SEM1: variants seen among roughly 807,000 people sequenced by gnomAD.
SEM1 encodes SEM1 26S proteasome subunit, also known as 26S proteasome complex subunit SEM1.
A neutral mutation model predicts 12.7 loss-of-function variants in SEM1; 3 were observed. The ratio of observed to expected loss-of-function variants is 0.24; its 90% CI spans 0.11 to 0.61. The LOEUF (loss-of-function observed/expected upper bound fraction) is 0.61, where lower values mean the gene tolerates loss of function less well. SEM1 is among the 20% of genes least tolerant of loss of function. The pLI is 0.88. For synonymous variants in SEM1, 30 were observed against 27.8 expected, an observed-to-expected ratio of 1.08 and a Z score of -0.25; for missense variants, 59 against 81.3, an observed-to-expected ratio of 0.73 and a Z score of 1.06.
chr7:96,522,160 T>C (rs1003522382), intron 2 of SEM1, among the ~76,000 whole-genome samples: 1 of 152,244 alleles, frequency 6.6e-6, no homozygotes. Flanking sequence ...TATCCTGGCA[T>C]ACATCACGTG....
intron 2 of SEM1, among the ~76,000 whole-genome samples, chr7:96,573,233 C>G (rs1806098182): frequency 6.6e-6 from 1 of 151,904 alleles, no homozygotes; most frequent in Admixed American, 6.6e-5. Flanking sequence ...GGTCTCGACT[C>G]TATCCCATTT....
At chr7:96,495,469 T>G (rs978735874) in intron 1 of SEM1, among the ~76,000 whole-genome samples, 1 of 152,176 alleles carries the variant, frequency 6.6e-6, no homozygotes, top group Non-Finnish European at 1.5e-5. Flanking sequence ...GATAGTAAAG[T>G]GCTGTTCTAG....
chr7:96,683,879 G>A (rs1041878931), downstream of SEM1, among the ~76,000 whole-genome samples: 2 of 152,194 alleles, frequency 1.3e-5, no homozygotes, highest in Non-Finnish European at 2.9e-5. Flanking sequence ...GTCTGTCAGG[G>A]GGTGGCGGAC....
At chr7:96,641,596 TTTC>T (rs1280025272) in intron 2 of SEM1, among the ~76,000 whole-genome samples, 1 of 152,018 alleles carries the variant, frequency 6.6e-6, no homozygotes, top group Admixed American at 6.6e-5. Context: ...ATTGTATAGT[TTTC>T]TTCTTGTCTA....
At chr7:96,591,300 A>G (rs1159734381) in intron 2 of SEM1, among the ~76,000 whole-genome samples, 1 of 152,206 alleles carries the variant, frequency 6.6e-6, no homozygotes. Flanking sequence ...CCTACTCTTC[A>G]TAATAAAAGA....
At chr7:96,538,073 T>C (rs559398587) in intron 2 of SEM1, among the ~76,000 whole-genome samples, 8 of 151,838 alleles carry the variant, frequency 5.3e-5, no homozygotes, top group Non-Finnish European at 7.4e-5. Context: ...CTTTGGTTGT[T>C]TTGAGTGTAC....
At chr7:96,678,374 G>A (rs1789510990) in intron 2 of SEM1, among the ~76,000 whole-genome samples, 1 of 152,126 alleles carries the variant, frequency 6.6e-6, no homozygotes, top group African/African-American at 2.4e-5. Context: ...CAGAGACTCA[G>A]AAAACTTAGG....
chr7:96,488,270 G>A (rs544785307), intron 1 of SEM1, among the ~76,000 whole-genome samples: 6 of 152,204 alleles, frequency 3.9e-5, no homozygotes, highest in African/African-American at 1.2e-4. Flanking sequence ...CATGGGATGA[G>A]TACCTCAGAA....
At chr7:96,673,820 C>T (rs1049120001) in exon 3 of SEM1, 19 of 765,190 alleles carry the variant, frequency 2.5e-5, no homozygotes, top group Middle Eastern at 2.3e-4. Flanking sequence ...AGCAGCCATA[C>T]GGGGTTTCAC....
At chr7:96,570,172 T>C (rs919497943) in intron 2 of SEM1, among the ~76,000 whole-genome samples, 2 of 151,870 alleles carry the variant, frequency 1.3e-5, no homozygotes, top group Non-Finnish European at 2.9e-5. Context: ...TTTCTCTGCA[T>C]ACTTGCCAGC....
At chr7:96,698,222 G>A (rs68087996) in intron 1 of SEM1, among the ~76,000 whole-genome samples, 26,352 of 151,808 alleles carry the variant, frequency 0.17, 2,780 homozygotes, top group Middle Eastern at 0.32. Flanking sequence ...TGGCAGAATG[G>A]TTCCACTTTG....
chr7:96,505,397 C>A (rs1015607344), intron 3 of SEM1, among the ~76,000 whole-genome samples: 13 of 152,184 alleles, frequency 8.5e-5, no homozygotes, highest in African/African-American at 2.9e-4. Flanking sequence ...AGCCACTGTG[C>A]CTGGCCTTAT....
Position 96,664,915 on chromosome 7 carries a change from AAAGTT to A in SEM1, c.170+29878_170+29882del, listed in dbSNP as rs549904633. Among the ~76,000 whole-genome samples the A allele has an allele frequency of 2.5e-4, 38 of 152,336 alleles. No homozygotes were observed. In the East Asian group the frequency reaches 7.1e-3, roughly 29 times the overall value. On this transcript the variant is annotated intron_variant, in intron 2 of 2. Transcript: ENST00000417009. ...CACGAAATAAAATGCTAACACCCAC[AAAGTT>A]AAGTAGTGGACACACAGCAGTCTCT...
intron 2 of SEM1, among the ~76,000 whole-genome samples, chr7:96,518,397 T>C (rs1165129234): frequency 1.3e-5 from 2 of 152,100 alleles, no homozygotes; most frequent in African/African-American, 4.8e-5. Context: ...GAAAGAGCGA[T>C]GAGTATAACA....
At chr7:96,552,255 T>C (rs1019403453) in intron 2 of SEM1, among the ~76,000 whole-genome samples, 1 of 152,094 alleles carries the variant, frequency 6.6e-6, no homozygotes. Context: ...GTTAGTTACA[T>C]ATGTATACAT....
intron 2 of SEM1, among the ~76,000 whole-genome samples, chr7:96,525,802 T>G (rs959056033): frequency 6.6e-6 from 1 of 152,082 alleles, no homozygotes; most frequent in Admixed American, 6.6e-5. Context: ...AACCCTATTG[T>G]GAACTACACT....
chr7:96,562,196 A>T (rs1386651241), intron 2 of SEM1, among the ~76,000 whole-genome samples: 1 of 152,224 alleles, frequency 6.6e-6, no homozygotes, highest in Non-Finnish European at 1.5e-5. Context: ...AGTGTACATT[A>T]AAAAATCATA....
intron 2 of SEM1, chr7:96,650,143 G>A: frequency 4.7e-6 from 1 of 212,022 alleles, no homozygotes; most frequent in East Asian, 1.0e-4. Flanking sequence ...ACATGTTCAT[G>A]CTAATATGCC....
intron 1 of SEM1, among the ~76,000 whole-genome samples, chr7:96,489,959 C>T (rs1389252112): frequency 6.6e-6 from 1 of 152,084 alleles, no homozygotes; most frequent in East Asian, 1.9e-4. Flanking sequence ...TGAGTAAAGT[C>T]ATGTTCTGAG....
Sources: allele counts gnomAD v4.1 joint callset (sites outside exome capture counted in the v4.1 genomes callset), GRCh38; gene constraint gnomAD v4.1.1; transcripts MANE v1.5; gene names NCBI Gene and HGNC (gene_info 2026-07-23, HGNC 2026-07-21).